FKTN: variants seen among roughly 807,000 people sequenced by gnomAD.
FKTN encodes the protein ribitol-5-phosphate transferase FKTN.
FKTN carries 47 observed loss-of-function variants against 58.6 expected under a neutral mutation model. That is an observed-to-expected ratio of 0.80 (90% CI 0.63 to 1.02). FKTN has a LOEUF of 1.02. Ranked by LOEUF, FKTN falls within the 50% of genes least tolerant of loss-of-function variation. FKTN has a pLI of 0.00. For synonymous variants in FKTN, 178 were observed against 191.9 expected, an observed-to-expected ratio of 0.93 and a Z score of 0.60; for missense variants, 516 against 537.3, an observed-to-expected ratio of 0.96 and a Z score of 0.39.
At chr9:105,618,777 T>C (rs966134575) in intron 9 of FKTN, among the ~76,000 whole-genome samples, 1 of 152,146 alleles carries the variant, frequency 6.6e-6, no homozygotes, top group Non-Finnish European at 1.5e-5. Context: ...CAAGTAAAAA[T>C]ATGTTTAGTC....
At position 105,607,831 on chromosome 9, in the gene FKTN, G is replaced by A; in HGVS notation, c.660G>A (p.Gln220=). The A allele has an allele frequency of 6.2e-7, 1 of 1,612,570 alleles. No homozygotes were observed. The highest frequency in any genetic ancestry group is 8.5e-7 in the Non-Finnish European group (1 of 1,179,040). Residue 220 remains glutamine (Q), a synonymous_variant, in exon 7 of 11, where the codon CAG becomes CAA. Transcript: ENST00000357998. ...YPGAFDRPEL[Q]QVTVDGLEVL... ...CTTTTGTTTTCAGGCCAGAGTTACA[G>A]CAAGTTACTGTTGATGGACTGGAAG...
In FKTN at chr9:105,618,024, G is replaced by C. The variant is rs2133162066; in HGVS notation, c.976G>C (p.Asp326His). ...TGTTGACCTAGGAATTTTTATACAA[G>C]ATTACAAATCTGATATTATTTTAGC... ...KDVDLGIFIQDYKSDIILAFQ... is the reference protein window; with the variant it reads ...KDVDLGIFIQHYKSDIILAFQ... Residue 326 changes from aspartate (D) to histidine (H), a missense_variant, in exon 9 of 11, where the codon GAT (aspartate) becomes CAT (histidine). Transcript: ENST00000357998. The C allele has an allele frequency of 4.4e-6, 7 of 1,602,360 alleles. No individual in the cohort carries two copies. The highest frequency in any genetic ancestry group is 6.0e-6 in the Non-Finnish European group (7 of 1,169,332).
intron 1 of FKTN, among the ~76,000 whole-genome samples, chr9:105,564,746 T>G (rs569770419): frequency 3.0e-4 from 45 of 152,314 alleles, no homozygotes; most frequent in Non-Finnish European, 4.6e-4. Context: ...CCAGGAGAAC[T>G]TCCCCAACCT....
chr9:105,574,994 G>C lies in FKTN; in HGVS notation c.-39G>C, dbSNP rs1284252327. On this transcript the variant is annotated 5_prime_UTR_variant, in exon 3 of 11. Transcript: ENST00000357998. The stretch of plus-strand genomic sequence containing the variant: ...AATCCAAAAAGATGAAAACGACTGA[G>C]ATACTTTCAAAAGACAACCAAGTGA... 1.9e-6 allele frequency: 2 copies of C among 1,062,546 alleles called. No homozygotes were observed. The highest frequency in any genetic ancestry group is 1.3e-5 in the South Asian group (1 of 79,858). The allele number at this position is 1,062,546 out of a possible 1,614,324, so 65.8% of individuals were successfully genotyped here.
intron 3 of FKTN, among the ~76,000 whole-genome samples, chr9:105,579,704 C>T (rs897315283): frequency 7.0e-6 from 1 of 142,932 alleles, no homozygotes; most frequent in Non-Finnish European, 1.5e-5. Flanking sequence ...GAGCTGAGTT[C>T]AATTCCTGGG....
chr9:105,611,939 A>G (rs1181737220), intron 7 of FKTN, among the ~76,000 whole-genome samples: 2 of 152,194 alleles, frequency 1.3e-5, no homozygotes, highest in African/African-American at 4.8e-5. Flanking sequence ...GTCTTCCACA[A>G]TGGTTGAACT....
At position 105,638,619 on chromosome 9, in the gene FKTN, GGTA is replaced by G. The variant is rs1267489211; in HGVS notation, c.*3361_*3363del. 1.0e-6 allele frequency: 1 copy of G among 985,092 alleles called. No homozygotes were observed. 61.0% of individuals were successfully genotyped at this position (985,092 alleles called of 1,614,324 possible). A position where few individuals can be genotyped will look rare whatever the true frequency, so the allele number is the denominator to read the frequency against. ...TTTCCTTCCTAAGGGACCTTTCCCTGGTAGTAGTGGTCTCATTCACAAAAAAGA... is the reference window on the plus strand; with the variant it reads ...TTTCCTTCCTAAGGGACCTTTCCCTGGTAGTGGTCTCATTCACAAAAAAGA... On this transcript the variant is annotated 3_prime_UTR_variant, in exon 11 of 11. Transcript: ENST00000357998.
At chr9:105,630,912 T>A (rs561743348) in intron 10 of FKTN, among the ~76,000 whole-genome samples, 6 of 152,090 alleles carry the variant, frequency 3.9e-5, no homozygotes, top group Non-Finnish European at 7.4e-5. Context: ...GGCAGGTGGA[T>A]CACTTGAGGC....
At chr9:105,596,570 C>A (rs1460473519) in intron 3 of FKTN, 28 bp from the exon 4 acceptor site, 1 of 1,569,990 alleles carries the variant, frequency 6.4e-7, no homozygotes, top group Non-Finnish European at 8.8e-7. Context: ...TTTGAATTTA[C>A]TAAAAAGTTC....
chr9:105,599,978 A>C (rs1357340959), intron 4 of FKTN, among the ~76,000 whole-genome samples: 1 of 151,820 alleles, frequency 6.6e-6, no homozygotes, highest in Non-Finnish European at 1.5e-5. Context: ...TTTCCTAACA[A>C]ATTCAGTTTC....
In FKTN at chr9:105,635,114, C is replaced by A. The variant is rs1554766880; in HGVS notation, c.1236C>A (p.Pro412=). Residue 412 remains proline, a synonymous_variant, in exon 11 of 11, where the codon CCC becomes CCA. Transcript: ENST00000357998. ...TEFVDMKVHV[P]CETLEYIEAN... ...TTGTAGACATGAAGGTCCATGTACC[C>A]TGTGAAACCCTCGAATACATTGAAG... is the stretch of plus-strand genomic sequence containing the variant. 8.1e-6 allele frequency: 13 copies of A among 1,614,130 alleles called. No individual in the cohort carries two copies. Among genetic ancestry groups the A allele is most frequent in the Non-Finnish European group, 1.1e-5 (13 of 1,179,988 alleles).
intron 3 of FKTN, among the ~76,000 whole-genome samples, chr9:105,596,203 C>A (rs571839626): frequency 2.0e-5 from 3 of 152,164 alleles, no homozygotes; most frequent in African/African-American, 7.2e-5. Flanking sequence ...CATTAGTATA[C>A]TTTATCACTT....
intron 5 of FKTN, among the ~76,000 whole-genome samples, chr9:105,603,263 G>T (rs1186351711): frequency 6.6e-6 from 1 of 152,098 alleles, no homozygotes; most frequent in East Asian, 1.9e-4. Flanking sequence ...CTATTCAGTA[G>T]TGTCTTTCTC....
intron 3 of FKTN, among the ~76,000 whole-genome samples, chr9:105,583,393 A>T (rs1587951660): frequency 6.6e-6 from 1 of 152,196 alleles, no homozygotes; most frequent in Non-Finnish European, 1.5e-5. Context: ...AACCTCATTC[A>T]TTAATTTTTA....
At chr9:105,631,531 T>C (rs1833449065) in intron 10 of FKTN, among the ~76,000 whole-genome samples, 1 of 152,004 alleles carries the variant, frequency 6.6e-6, no homozygotes, top group African/African-American at 2.4e-5. Flanking sequence ...GACAAAGGGC[T>C]AATATCCACA....
intron 3 of FKTN, among the ~76,000 whole-genome samples, chr9:105,577,564 TA>T (rs1307424943): frequency 6.9e-6 from 1 of 145,382 alleles, no homozygotes; most frequent in African/African-American, 2.6e-5. Context: ...CTGTTTTGGT[TA>T]CTGTAGCCTT....
chr9:105,603,696 CAG>C (rs1828317992), intron 5 of FKTN: 1 of 148,738 alleles, frequency 6.7e-6, no homozygotes, highest in African/African-American at 2.5e-5. Flanking sequence ...TTTTTTGAGA[CAG>C]GGTCTCACTT....
rs1834209135 is a variant in FKTN at position 105,638,585 on chromosome 9, ATG to A, written c.*3322_*3323del. 1 of 985,186 alleles carries A rather than the reference ATG, an allele frequency of 1.0e-6. No homozygotes were observed. The highest frequency in any genetic ancestry group is 4.7e-5 in the South Asian group (1 of 21,290). The allele number at this position is 985,186 out of a possible 1,614,324, so 61.0% of individuals were successfully genotyped here. A position where few individuals can be genotyped will look rare whatever the true frequency, so the allele number is the denominator to read the frequency against. ...TCTCCCCTTCCTGAAGTGACCTTTT[ATG>A]AGGCTCTTTCCTTCCTAAGGGACCT... On this transcript the variant is annotated 3_prime_UTR_variant, in exon 11 of 11. Coordinates refer to ENST00000357998, the MANE Select transcript of FKTN (RefSeq NM_001079802.2).
chr9:105,587,506 T>C (rs983713886), intron 3 of FKTN, among the ~76,000 whole-genome samples: 3 of 152,194 alleles, frequency 2.0e-5, no homozygotes, highest in African/African-American at 4.8e-5. Context: ...CCTTTATCTT[T>C]TTTCACTTTT....
Sources: allele counts gnomAD v4.1 joint callset (sites outside exome capture counted in the v4.1 genomes callset), GRCh38; gene constraint gnomAD v4.1.1; transcripts MANE v1.5; gene names NCBI Gene and HGNC (gene_info 2026-07-23, HGNC 2026-07-21).